The following RPS6KA2 variants were observed in gnomAD, a reference collection of about 807,000 sequenced individuals.
The protein encoded by RPS6KA2 is ribosomal protein S6 kinase alpha-2.
Under a neutral mutation model 91.8 loss-of-function variants are expected in RPS6KA2, and 42 were observed. The ratio of observed to expected loss-of-function variants is 0.46; its 90% CI spans 0.36 to 0.59. RPS6KA2 has a LOEUF of 0.59. Among genes scored for constraint, RPS6KA2 ranks in the 20% least tolerant of loss-of-function variants. The pLI, the probability that RPS6KA2 is intolerant of heterozygous loss-of-function variation, is 0.00. For missense variants in RPS6KA2, 798 were observed against 978.5 expected (o/e 0.82, Z 2.46); for synonymous variants, 414 against 393.6 (o/e 1.05, Z -0.61).
chr6:166,444,541 T>C (rs2128452267), intron 14 of RPS6KA2, among the ~76,000 whole-genome samples: 1 of 152,346 alleles, frequency 6.6e-6, no homozygotes, highest in Non-Finnish European at 1.5e-5. Context: ...TGAGGGAACA[T>C]AATAGCTTTT....
intron 2 of RPS6KA2, among the ~76,000 whole-genome samples, chr6:166,772,231 G>T (rs1053052738): frequency 1.8e-4 from 28 of 152,096 alleles, no homozygotes; most frequent in Non-Finnish European, 1.5e-4. Context: ...ATGGAGTCCA[G>T]GTGGGAATGA....
intron 10 of RPS6KA2, among the ~76,000 whole-genome samples, chr6:166,471,548 G>A (rs1235415707): frequency 6.6e-6 from 1 of 152,250 alleles, no homozygotes; most frequent in Non-Finnish European, 1.5e-5. Context: ...TGACGTGAAA[G>A]TCCATCTAGA....
chr6:166,517,621 G>A lies in RPS6KA2; in HGVS notation c.299-7264C>T, dbSNP rs371347680. 9.4e-4 allele frequency among the ~76,000 whole-genome samples: 142 copies of A among 151,368 alleles called. 6 individuals are homozygous for A. The East Asian group carries it at 0.015, about 16-fold the overall frequency. The stretch of plus-strand genomic sequence containing the variant: ...CTCCCGAGTAGCTGGGACTACAGGC[G>A]CCCGCCACCGCGCCCGGCTAATTTT... On this transcript the variant is annotated intron_variant, in intron 3 of 20. Transcript: ENST00000265678.
chr6:166,417,946 G>T lies in RPS6KA2; in HGVS notation c.1938+279C>A, dbSNP rs147104398. On this transcript the variant is annotated intron_variant, in intron 19 of 20. Transcript: ENST00000265678. Reference sequence around the variant, plus strand: ...ACTAAAAATACAAAAGAGTTAGTCGGGTGTGGTCGCACACGCCTGTAGTCC... The same window carrying T: ...ACTAAAAATACAAAAGAGTTAGTCGTGTGTGGTCGCACACGCCTGTAGTCC... Among the ~76,000 whole-genome samples, 965 of 151,984 alleles carry T rather than the reference G, an allele frequency of 6.3e-3. 8 individuals carry two copies. Among genetic ancestry groups the T allele is most frequent in the African/African-American group, 0.022 (927 of 41,434 alleles).
rs139985824 is a variant in RPS6KA2, at chr6:166,783,733, C to T, written c.123+74467G>A. 3.1e-4 allele frequency among the ~76,000 whole-genome samples: 45 copies of T among 143,462 alleles called. 1 individual carries two copies. Among genetic ancestry groups the T allele is most frequent in the Non-Finnish European group, 5.2e-4 (34 of 65,380 alleles). 94.1% of individuals were successfully genotyped at this position (143,462 alleles called of 152,430 possible). On this transcript the variant is annotated intron_variant, in intron 2 of 21. Transcript: ENST00000503859. ...GAACACTTATTTGTAATCACATACA[C>T]GCGTGGACACCTATCTAAAACCACA... is the stretch of plus-strand genomic sequence containing the variant.
chr6:166,417,897 A>G (rs951909499), intron 19 of RPS6KA2, among the ~76,000 whole-genome samples: 1 of 151,900 alleles, frequency 6.6e-6, no homozygotes, highest in East Asian at 1.9e-4. Flanking sequence ...GAAACAAAAA[A>G]GTTTTAGTAC....
intron 1 of RPS6KA2, among the ~76,000 whole-genome samples, chr6:166,859,244 A>G (rs1583186040): frequency 6.6e-6 from 1 of 152,230 alleles, no homozygotes; most frequent in African/African-American, 2.4e-5. Context: ...ATGTATTATG[A>G]CATCCCAGAG....
Position 166,498,579 on chromosome 6 carries a change from T to C in RPS6KA2, c.676A>G (p.Met226Val). Residue 226 changes from methionine (M) to valine (V), a missense_variant, in exon 8 of 21, where the codon ATG becomes GTG. Transcript: ENST00000265678. ...AYSFCGTIEYMAPEVVNRRGH... is the reference protein window; with the variant it reads ...AYSFCGTIEYVAPEVVNRRGH... ...CGCCGGTTCACCACCTCGGGCGCCA[T>C]GTACTCGATCGTCCCGCAGAAGGAG... The C allele has an allele frequency of 6.2e-7, 1 of 1,613,866 alleles. No individual in the cohort carries two copies. Among genetic ancestry groups the C allele is most frequent in the South Asian group, 1.1e-5 (1 of 91,048 alleles).
chr6:166,862,708 G>GGGGGGGC (rs1554263537), upstream of RPS6KA2: 29 of 142,082 alleles, frequency 2.0e-4, no homozygotes, highest in African/African-American at 7.5e-4. Context: ...GGAGGCGGGG[G>GGGGGGGC]GGGGGGGCGG....
chr6:166,794,063 A>T (rs1014290873), intron 2 of RPS6KA2, among the ~76,000 whole-genome samples: 9 of 139,714 alleles, frequency 6.4e-5, no homozygotes, highest in African/African-American at 2.3e-4. Context: ...CAGAGTGAAC[A>T]AGCAACCTAC....
intron 1 of RPS6KA2, among the ~76,000 whole-genome samples, chr6:166,614,997 C>T (rs1396192359): frequency 3.3e-5 from 5 of 152,162 alleles, no homozygotes; most frequent in Non-Finnish European, 7.3e-5. Flanking sequence ...AGACATTATC[C>T]AGCCTTCCAC....
intron 4 of RPS6KA2, among the ~76,000 whole-genome samples, chr6:166,509,854 C>T (rs569595084): frequency 6.6e-6 from 1 of 152,266 alleles, no homozygotes; most frequent in Non-Finnish European, 1.5e-5. Context: ...GAGGGTTCAA[C>T]GAACTACTAT....
intron 1 of RPS6KA2, among the ~76,000 whole-genome samples, chr6:166,562,578 A>C (rs934533154): frequency 6.6e-6 from 1 of 152,140 alleles, no homozygotes; most frequent in Non-Finnish European, 1.5e-5. Context: ...TCATTCCCAA[A>C]CTGGTCCTAA....
intron 1 of RPS6KA2, among the ~76,000 whole-genome samples, chr6:166,614,960 C>A (rs1025083289): frequency 6.6e-6 from 1 of 152,178 alleles, no homozygotes; most frequent in Non-Finnish European, 1.5e-5. Flanking sequence ...CTCCAGGTTC[C>A]AGGCTTAGGC....
chr6:166,724,135 T>C (rs1406968057), intron 2 of RPS6KA2, among the ~76,000 whole-genome samples: 1 of 152,236 alleles, frequency 6.6e-6, no homozygotes, highest in Admixed American at 6.5e-5. Flanking sequence ...TATGGACATA[T>C]GTATGTATGA....
chr6:166,776,818 GA>G (rs1467265670), intron 2 of RPS6KA2, among the ~76,000 whole-genome samples: 1 of 152,196 alleles, frequency 6.6e-6, no homozygotes, highest in Admixed American at 6.5e-5. Flanking sequence ...TCCATTGATG[GA>G]CATGTGGGCT....
chr6:166,701,275 T>C, intron 2 of RPS6KA2: 1 of 1,612,296 alleles, frequency 6.2e-7, no homozygotes, highest in South Asian at 1.1e-5. Flanking sequence ...GACAACAACT[T>C]CTGCACTTGA....
chr6:166,694,417 A>T (rs1223944291), intron 2 of RPS6KA2, among the ~76,000 whole-genome samples: 1 of 152,234 alleles, frequency 6.6e-6, no homozygotes, highest in Non-Finnish European at 1.5e-5. Flanking sequence ...TTCCAATACA[A>T]TAAAGTCACT....
At chr6:166,472,271 G>A (rs966631620) in intron 10 of RPS6KA2, among the ~76,000 whole-genome samples, 15 of 152,166 alleles carry the variant, frequency 9.9e-5, no homozygotes, top group Non-Finnish European at 1.8e-4. Context: ...TTCACATTTT[G>A]TACCCACTGT....
Sources: allele counts gnomAD v4.1 joint callset (sites outside exome capture counted in the v4.1 genomes callset), GRCh38; gene constraint gnomAD v4.1.1; transcripts MANE v1.5; gene names NCBI Gene and HGNC (gene_info 2026-07-23, HGNC 2026-07-21).